Variants in PTPRD observed in about 807,000 individuals in gnomAD.
PTPRD encodes the protein protein tyrosine phosphatase receptor type D.
In PTPRD, 34 loss-of-function variants were observed where a neutral mutation model predicts 214.5. The ratio of observed to expected loss-of-function variants is 0.16; its 90% confidence interval spans 0.12 to 0.21. PTPRD has a LOEUF of 0.21. Among genes scored for constraint, PTPRD ranks in the 10% least tolerant of loss-of-function variants. The pLI is 1.00. For synonymous variants in PTPRD, 1,128 were observed against 845.7 expected, an observed-to-expected ratio of 1.33 and a Z score of -5.79; for missense variants, 2,545 against 2,398.7, an observed-to-expected ratio of 1.06 and a Z score of -1.27.
intron 10 of PTPRD, among the ~76,000 whole-genome samples, chr9:9,089,821 T>G (rs1159173481): frequency 6.6e-6 from 1 of 152,176 alleles, no homozygotes; most frequent in Non-Finnish European, 1.5e-5. Context: ...CTATAATATG[T>G]GGGGAAAGCA....
At chr9:8,523,560 G>C (rs200985486) in intron 18 of PTPRD, 36 bp from the exon 19 acceptor site, 1 of 1,611,084 alleles carries the variant, frequency 6.2e-7, no homozygotes, top group African/African-American at 1.3e-5. Context: ...AGAACACAAT[G>C]AAATGAGGAA....
intron 9 of PTPRD, among the ~76,000 whole-genome samples, chr9:9,304,464 T>C (rs1956468145): frequency 6.6e-6 from 1 of 152,038 alleles, no homozygotes; most frequent in Non-Finnish European, 1.5e-5. Context: ...TTTTAGACTT[T>C]CCTTAAGTAT....
intron 4 of PTPRD, among the ~76,000 whole-genome samples, chr9:9,992,675 T>A (rs951430018): frequency 5.3e-5 from 8 of 152,020 alleles, no homozygotes; most frequent in African/African-American, 1.9e-4. Context: ...CTGGAAACCA[T>A]CATTACGAGC....
At chr9:9,348,010 C>T (rs1309234823) in intron 9 of PTPRD, among the ~76,000 whole-genome samples, 2 of 152,112 alleles carry the variant, frequency 1.3e-5, no homozygotes, top group Non-Finnish European at 2.9e-5. Context: ...AAATTTTAGA[C>T]TTCTGTTTTA....
At chr9:10,056,633 CA>C (rs1370102932) in intron 3 of PTPRD, among the ~76,000 whole-genome samples, 1 of 151,878 alleles carries the variant, frequency 6.6e-6, no homozygotes, top group Admixed American at 6.6e-5. Flanking sequence ...GGCCCACATC[CA>C]AAAGTAAAAG....
chr9:9,085,782 A>G (rs541045027), intron 10 of PTPRD, among the ~76,000 whole-genome samples: 31 of 152,164 alleles, frequency 2.0e-4, no homozygotes, highest in African/African-American at 5.8e-4. Flanking sequence ...CAAATGTTTT[A>G]AATGTTTTAT....
chr9:9,255,484 C>A (rs758038247), intron 9 of PTPRD, among the ~76,000 whole-genome samples: 5 of 151,932 alleles, frequency 3.3e-5, no homozygotes, highest in Non-Finnish European at 7.4e-5. Flanking sequence ...TCTCTAAAAC[C>A]ATTCCACTAA....
chr9:10,395,563 A>G (rs902988752), intron 2 of PTPRD, among the ~76,000 whole-genome samples: 5 of 151,950 alleles, frequency 3.3e-5, no homozygotes, highest in African/African-American at 1.2e-4. Context: ...GAGAAATAAG[A>G]TGATTATTGA....
chr9:9,786,673 A>C (rs2098926716), intron 5 of PTPRD, among the ~76,000 whole-genome samples: 1 of 152,118 alleles, frequency 6.6e-6, no homozygotes, highest in Non-Finnish European at 1.5e-5. Flanking sequence ...CACTAATGTA[A>C]ATGATCAGTT....
chr9:9,412,260 C>A (rs567452644), intron 8 of PTPRD, among the ~76,000 whole-genome samples: 1 of 152,086 alleles, frequency 6.6e-6, no homozygotes, highest in African/African-American at 2.4e-5. Context: ...AATAAATTCG[C>A]TTTTTGTAAA....
intron 2 of PTPRD, among the ~76,000 whole-genome samples, chr9:10,497,022 T>A (rs1415486589): frequency 3.9e-5 from 6 of 152,130 alleles, no homozygotes; most frequent in Middle Eastern, 3.4e-3. Flanking sequence ...ATGGTGGCCA[T>A]AATCCTAAGT....
At chr9:10,425,616 C>A (rs1398511664) in intron 2 of PTPRD, among the ~76,000 whole-genome samples, 1 of 151,954 alleles carries the variant, frequency 6.6e-6, no homozygotes, top group Non-Finnish European at 1.5e-5. Flanking sequence ...TCTCTGGATT[C>A]TGTTGTTTTT....
chr9:9,369,926 C>T lies in PTPRD; in HGVS notation c.-203+27523G>A, dbSNP rs12376249. Among the ~76,000 whole-genome samples the T allele has an allele frequency of 9.7e-3, 1,480 of 151,810 alleles. 11 individuals are homozygous for T. The highest frequency in any genetic ancestry group is 0.021 in the African/African-American group (865 of 41,436). On this transcript the variant is annotated intron_variant, in intron 9 of 45. Coordinates refer to ENST00000381196, the MANE Select transcript of PTPRD (RefSeq NM_002839.4). ...GTCAAAGATCAGATAGTTGTAGATA[C>T]GCGGCATTATTTCTGAGGGCTCTGT... is the stretch of plus-strand genomic sequence containing the variant.
chr9:10,236,704 C>T (rs1032665697), intron 3 of PTPRD, among the ~76,000 whole-genome samples: 1 of 151,876 alleles, frequency 6.6e-6, no homozygotes, highest in Non-Finnish European at 1.5e-5. Flanking sequence ...ACACTCTAAG[C>T]TCAACTATGA....
At chr9:9,287,521 C>T (rs1049399606) in intron 9 of PTPRD, among the ~76,000 whole-genome samples, 18 of 151,774 alleles carry the variant, frequency 1.2e-4, no homozygotes, top group African/African-American at 4.4e-4. Context: ...TTACTCAGTA[C>T]GTTATCATTT....
At chr9:8,679,843 G>A (rs1276480392) in intron 12 of PTPRD, among the ~76,000 whole-genome samples, 1 of 152,150 alleles carries the variant, frequency 6.6e-6, no homozygotes, top group Non-Finnish European at 1.5e-5. Context: ...AGCAAATATG[G>A]CATTTGTGCC....
chr9:8,942,847 T>C (rs1275828861), intron 11 of PTPRD, among the ~76,000 whole-genome samples: 1 of 152,106 alleles, frequency 6.6e-6, no homozygotes, highest in Non-Finnish European at 1.5e-5. Flanking sequence ...CAAATTATCC[T>C]TGTTTGCAGA....
intron 2 of PTPRD, among the ~76,000 whole-genome samples, chr9:10,592,907 A>G (rs2075815642): frequency 6.6e-6 from 1 of 151,946 alleles, no homozygotes; most frequent in African/African-American, 2.4e-5. Context: ...CAGCAGCAGC[A>G]ACCTGCTCTT....
rs146212310 is a variant in PTPRD, at chr9:10,536,124, G to C, written c.-600+76274C>G. 2.2e-3 allele frequency among the ~76,000 whole-genome samples: 336 copies of C among 152,184 alleles called. 1 individual carries two copies. The highest frequency in any genetic ancestry group is 3.9e-3 in the Non-Finnish European group (268 of 67,986). On this transcript the variant is annotated intron_variant, in intron 2 of 45. Coordinates refer to ENST00000381196, the MANE Select transcript of PTPRD (RefSeq NM_002839.4). ...TTCCTGGACCAAATCCTAATCCATA[G>C]AGCCAAATTCTTCAGAGGCAGGACC...
Sources: gnomAD v4.1 joint callset for allele counts (sites outside exome capture counted in the v4.1 genomes callset) on GRCh38, gnomAD v4.1.1 for gene constraint, MANE v1.5 for transcripts, NCBI Gene and HGNC (gene_info 2026-07-23, HGNC 2026-07-21) for gene names.